The following DLG3 variants were observed in gnomAD, a reference collection of about 807,000 sequenced individuals.
DLG3 encodes the protein disks large homolog 3.
A neutral mutation model predicts 64.1 loss-of-function variants in DLG3; 1 was observed. That is an observed-to-expected ratio of 0.02 (90% CI 0.01 to 0.07). DLG3 has a LOEUF of 0.07. Ranked by LOEUF, DLG3 falls within the 10% of genes least tolerant of loss-of-function variation. The pLI, the probability that DLG3 is intolerant of heterozygous loss-of-function variation, is 1.00. For synonymous variants in DLG3, 245 were observed against 259.8 expected, an observed-to-expected ratio of 0.94 and a Z score of 0.55; for missense variants, 429 against 669.5, an observed-to-expected ratio of 0.64 and a Z score of 3.96.
chrX:70,461,286 G>A (rs747164111), intron 9 of DLG3, among the ~76,000 whole-genome samples: 1 of 111,927 alleles, frequency 8.9e-6, no homozygotes, highest in Non-Finnish European at 1.9e-5. Context: ...ATCTAATTGC[G>A]GTTTTGATTT....
Position 70,445,256 on chromosome X carries a change from C to G in DLG3, c.55C>G (p.Leu19Val). 1 of 1,164,604 alleles carries G rather than the reference C, an allele frequency of 8.6e-7. No homozygotes were observed. The highest frequency in any genetic ancestry group is 1.1e-6 in the Non-Finnish European group (1 of 873,121). The change falls in exon 1 of 19, where the codon CTG becomes GTG. Residue 19 changes from leucine (L) to valine (V), a missense_variant. Leu to Val is a conservative substitution (Grantham distance 32, BLOSUM62 1). This residue lies in a region of DLG3 where 123 missense variants were observed against 113.3 expected (regional missense o/e 1.09). Transcript: ENST00000374360. Reference sequence around the variant, plus strand: ...CCCTGAGTGCTATGAGGTGACCCGCCTGGCCGCCCTGCGGCGCCTCGAGCC... The same window carrying G: ...CCCTGAGTGCTATGAGGTGACCCGCGTGGCCGCCCTGCGGCGCCTCGAGCC... ...KCPECYEVTR[L>V]AALRRLEPPG... is the part of the protein sequence containing the mutation.
chrX:70,477,223 A>G (rs1378456544), intron 9 of DLG3, among the ~76,000 whole-genome samples: 1 of 112,884 alleles, frequency 8.9e-6, no homozygotes, highest in East Asian at 2.8e-4. Flanking sequence ...ACAAGTTTCA[A>G]GAAGGGGAAA....
chrX:70,449,225 A>G, intron 2 of DLG3, 134 bp from the exon 3 acceptor site: 1 of 964,819 alleles, frequency 1.0e-6, no homozygotes. Context: ...TGTCTGACAA[A>G]TGTGCCCAGC....
At chrX:70,498,034 A>G (rs1290942093) in intron 13 of DLG3, among the ~76,000 whole-genome samples, 1 of 111,807 alleles carries the variant, frequency 8.9e-6, no homozygotes, top group East Asian at 2.8e-4. Flanking sequence ...ACTTTTCTGG[A>G]TGCTGCTTCC....
At chrX:70,456,763 TC>T (rs373092215) in intron 9 of DLG3, among the ~76,000 whole-genome samples, 13 of 108,257 alleles carry the variant, frequency 1.2e-4, no homozygotes, top group Non-Finnish European at 2.1e-4. Flanking sequence ...TTTTTTTTTT[TC>T]CCCTTTTGAA....
At chrX:70,478,111 G>C (rs779812776) in intron 9 of DLG3, among the ~76,000 whole-genome samples, 1 of 112,307 alleles carries the variant, frequency 8.9e-6, no homozygotes, top group Non-Finnish European at 1.9e-5. Flanking sequence ...AAGTGTGCCT[G>C]TTTTCTAGCA....
intron 9 of DLG3, among the ~76,000 whole-genome samples, chrX:70,464,923 T>C (rs2086863127): frequency 8.9e-6 from 1 of 111,944 alleles, no homozygotes; most frequent in Non-Finnish European, 1.9e-5. Flanking sequence ...ACCACTGTGC[T>C]AAAAAAGCAA....
chrX:70,445,673 G>T, intron 1 of DLG3, 115 bp downstream of exon 1: 1 of 695,926 alleles, frequency 1.4e-6, no homozygotes, highest in Non-Finnish European at 2.2e-6. Context: ...TGGACCCCGA[G>T]CCCTAGCATT....
At position 70,452,605 on chromosome X, in the gene DLG3, G is replaced by GGA. The variant is rs756114403; in HGVS notation, c.1145+589_1145+590dup. ...GGAGCCGGAAGGGTAGGCAGCCAGGGGAGAGAGAGAGGAGCTATGGAGAGG... is the reference window on the plus strand; with the variant it reads ...GGAGCCGGAAGGGTAGGCAGCCAGGGGAGAGAGAGAGAGGAGCTATGGAGAGG... On this transcript the variant is annotated intron_variant, in intron 7 of 18. Transcript: ENST00000374360. The GGA allele has an allele frequency of 5.0e-3, 5,866 of 1,175,806 alleles. 15 individuals carry two copies. Among genetic ancestry groups the GGA allele is most frequent in the Non-Finnish European group, 5.8e-3 (5,111 of 877,004 alleles).
chrX:70,489,809 C>T (rs1278858843), intron 10 of DLG3, among the ~76,000 whole-genome samples: 1 of 111,509 alleles, frequency 9.0e-6, no homozygotes, highest in African/African-American at 3.3e-5. Context: ...GTAAACTCCG[C>T]CCTCTAATCT....
Position 70,500,088 on chromosome X carries a change from G to A in DLG3, c.2145+39G>A, listed in dbSNP as rs369985191. ...AGATGGCCTCAAAGGGGAGGCCAAT[G>A]CTTATGCCAAGGTTCCACTTGGATC... On this transcript the variant is annotated intron_variant, in intron 16 of 18. Coordinates refer to ENST00000374360, the MANE Select transcript of DLG3 (RefSeq NM_021120.4). 4.4e-5 allele frequency: 50 copies of A among 1,139,913 alleles called. No homozygotes were observed. In the African/African-American group the frequency reaches 7.5e-4, roughly 17 times the overall value. The allele number at this position is 1,139,913 out of a possible 1,213,427, so 93.9% of individuals were successfully genotyped here.
intron 10 of DLG3, among the ~76,000 whole-genome samples, chrX:70,486,669 T>TTTTTC (rs35640309): frequency 9.8e-6 from 1 of 102,031 alleles, no homozygotes; most frequent in Non-Finnish European, 2.0e-5. Flanking sequence ...TTTTTTTTTT[T>TTTTTC]CATGCTCACT....
Position 70,503,963 on chromosome X carries a change from T to C in DLG3, c.*1694T>C, listed in dbSNP as rs936597838. On this transcript the variant is annotated 3_prime_UTR_variant, in exon 19 of 19. Coordinates refer to ENST00000374360, the MANE Select transcript of DLG3 (RefSeq NM_021120.4). ...TTGAGGCACTTGTTTCCTAGCCCGC[T>C]GGGTTAGGGCTGGTGCAAGCGAGGC... is the stretch of plus-strand genomic sequence containing the variant. 1 of 111,503 alleles carries C rather than the reference T, an allele frequency of 9.0e-6. No individual in the cohort carries two copies. Among genetic ancestry groups the C allele is most frequent in the African/African-American group, 3.3e-5 (1 of 30,548 alleles). The allele number at this position is 111,503 out of a possible 1,213,427, so 9.2% of individuals were successfully genotyped here.
intron 10 of DLG3, among the ~76,000 whole-genome samples, chrX:70,481,007 A>T (rs971695041): frequency 1.8e-5 from 2 of 112,101 alleles, no homozygotes; most frequent in African/African-American, 6.5e-5. Flanking sequence ...TCTGCCCGTA[A>T]CCTTCTCTAG....
At chrX:70,474,134 G>A (rs1003587973) in intron 9 of DLG3, among the ~76,000 whole-genome samples, 12 of 111,997 alleles carry the variant, frequency 1.1e-4, no homozygotes, top group African/African-American at 3.9e-4. Context: ...GATGGTTGTA[G>A]CAGTCCTTGA....
chrX:70,454,369 A>G, intron 9 of DLG3, 53 bp downstream of exon 9: 1 of 1,085,233 alleles, frequency 9.2e-7, no homozygotes. Flanking sequence ...GACTTATATT[A>G]TGTGTTGGCT....
In DLG3 at chrX:70,492,606, G is replaced by T; in HGVS notation, c.1773+10G>T. The T allele has an allele frequency of 8.3e-7, 1 of 1,202,312 alleles. No homozygotes were observed. Among genetic ancestry groups the T allele is most frequent in the Admixed American group, 2.2e-5 (1 of 46,006 alleles). On this transcript the variant is annotated intron_variant, in intron 12 of 18. Transcript: ENST00000374360. ...GATTGAGTCTAACAGGGTAAGTGGG[G>T]ATCCCCAAGGAAATCAGCCAGTAGG... is the stretch of plus-strand genomic sequence containing the variant.
intron 6 of DLG3, chrX:70,451,053 C>T (rs956385869): frequency 9.9e-6 from 4 of 404,732 alleles, no homozygotes; most frequent in Non-Finnish European, 1.7e-5. Context: ...AGAGAGAAGC[C>T]GCAGAGGATA....
chrX:70,459,437 A>G (rs1379051470), intron 9 of DLG3, among the ~76,000 whole-genome samples: 1 of 112,436 alleles, frequency 8.9e-6, no homozygotes, highest in Non-Finnish European at 1.9e-5. Flanking sequence ...TTGAGAATGA[A>G]GGATGTAAAT....
Sources: allele counts gnomAD v4.1 joint callset (sites outside exome capture counted in the v4.1 genomes callset), GRCh38; gene constraint gnomAD v4.1.1; regional missense constraint gnomAD v4.1.1; transcripts MANE v1.5; gene names NCBI Gene and HGNC (gene_info 2026-07-23, HGNC 2026-07-21).